The following DOCK8 variants were observed in gnomAD, a reference collection of about 807,000 sequenced individuals.
DOCK8 encodes dedicator of cytokinesis protein 8.
In DOCK8, 141 loss-of-function variants were observed where a neutral mutation model predicts 245.6. The ratio of observed to expected loss-of-function variants is 0.57; its 90% CI spans 0.50 to 0.66. The LOEUF (loss-of-function observed/expected upper bound fraction) is 0.66, where lower values mean the gene tolerates loss of function less well. Among genes scored for constraint, DOCK8 ranks in the 30% least tolerant of loss-of-function variants. The probability of loss-of-function intolerance (pLI) is 0.00; values close to 1 mark genes in which losing one functional copy is unlikely to be tolerated. For missense variants in DOCK8, 2,965 were observed against 2,603.4 expected (o/e 1.14, Z -3.02); for synonymous variants, 1,168 against 970.2 (o/e 1.20, Z -3.79).
intron 2 of DOCK8, among the ~76,000 whole-genome samples, chr9:275,621 C>T (rs1326757161): frequency 6.6e-6 from 1 of 152,194 alleles, no homozygotes; most frequent in Non-Finnish European, 1.5e-5. Context: ...TGGAGTCTCG[C>T]TCTGTCACCC....
At chr9:370,378 TTCC>T in intron 16 of DOCK8, 78 bp downstream of exon 16, 1 of 1,284,246 alleles carries the variant, frequency 7.8e-7, no homozygotes, top group Non-Finnish European at 1.1e-6. Context: ...CCGTGGGTGG[TTCC>T]TCCTAACTAT....
chr9:223,969 A>T (rs952827527), intron 1 of DOCK8, among the ~76,000 whole-genome samples: 5 of 152,190 alleles, frequency 3.3e-5, no homozygotes, highest in African/African-American at 1.2e-4. Context: ...CACTCAAGCA[A>T]GCCTATTAAA....
At chr9:430,965 G>C (rs865876653) in intron 36 of DOCK8, among the ~76,000 whole-genome samples, 1 of 152,084 alleles carries the variant, frequency 6.6e-6, no homozygotes, top group Non-Finnish European at 1.5e-5. Context: ...CAACTCCTGG[G>C]CTCAAATGAT....
chr9:332,329 A>G lies in DOCK8; in HGVS notation c.1045-69A>G. 3.8e-6 allele frequency: 4 copies of G among 1,049,424 alleles called. No individual in the cohort carries two copies. In the South Asian group the frequency reaches 5.2e-5, roughly 14 times the overall value. The allele number at this position is 1,049,424 out of a possible 1,614,324, so 65.0% of individuals were successfully genotyped here. On this transcript the variant is annotated intron_variant, in intron 9 of 47. Coordinates refer to ENST00000432829, the MANE Select transcript of DOCK8 (RefSeq NM_203447.4). ...AATATTGTCATAAAATGTAATTTTG[A>G]TGGTTGCATAGATTCCTTTTTATGG...
At chr9:225,259 C>CAG (rs1412133882) in intron 1 of DOCK8, among the ~76,000 whole-genome samples, 6 of 151,982 alleles carry the variant, frequency 3.9e-5, no homozygotes, top group Non-Finnish European at 5.9e-5. Flanking sequence ...GACAAAAACT[C>CAG]AGAGAGAGAG....
intron 36 of DOCK8, among the ~76,000 whole-genome samples, chr9:430,884 T>G (rs950040222): frequency 2.6e-5 from 4 of 152,108 alleles, no homozygotes; most frequent in South Asian, 2.1e-4. Flanking sequence ...TTTATTTATT[T>G]ATTGAGACAG....
chr9:316,325 A>G (rs7020392), intron 6 of DOCK8, among the ~76,000 whole-genome samples: 79,013 of 152,050 alleles, frequency 0.52, 21,371 homozygotes, highest in African/African-American at 0.63. Context: ...ATACATGAAT[A>G]TAATTAACAT....
At chr9:432,368 C>A in intron 37 of DOCK8, 44 bp downstream of exon 37, 1 of 1,589,582 alleles carries the variant, frequency 6.3e-7, no homozygotes, top group Non-Finnish European at 8.6e-7. Flanking sequence ...AGTTTGGGAT[C>A]TGCCAACTAT....
At chr9:252,015 C>T (rs1438758209) in intron 1 of DOCK8, among the ~76,000 whole-genome samples, 2 of 149,012 alleles carry the variant, frequency 1.3e-5, no homozygotes, top group Non-Finnish European at 1.5e-5. Flanking sequence ...GCTCTGTTGC[C>T]CAGGATGGAG....
intron 28 of DOCK8, among the ~76,000 whole-genome samples, chr9:412,727 C>G (rs2055802447): frequency 6.6e-6 from 1 of 152,016 alleles, no homozygotes; most frequent in Admixed American, 6.6e-5. Flanking sequence ...GAGTTATACA[C>G]TAAAAATGAC....
chr9:341,016 C>T (rs867723389), intron 14 of DOCK8, among the ~76,000 whole-genome samples: 2 of 152,144 alleles, frequency 1.3e-5, no homozygotes, highest in African/African-American at 4.8e-5. Context: ...TAGCTCTTTC[C>T]AACAGAATTT....
intron 4 of DOCK8, among the ~76,000 whole-genome samples, chr9:293,924 T>C (rs1454880883): frequency 2.6e-5 from 4 of 152,238 alleles, no homozygotes; most frequent in African/African-American, 9.6e-5. Flanking sequence ...AAGGCAAATC[T>C]CATGCCTCAC....
At chr9:227,307 G>A (rs140807533) in intron 1 of DOCK8, among the ~76,000 whole-genome samples, 23 of 152,292 alleles carry the variant, frequency 1.5e-4, no homozygotes, top group South Asian at 4.1e-4. Flanking sequence ...TACTTCCCTC[G>A]TAGAGGTTTT....
At chr9:395,461 G>A (rs997221658) in intron 24 of DOCK8, among the ~76,000 whole-genome samples, 4 of 152,096 alleles carry the variant, frequency 2.6e-5, no homozygotes, top group Admixed American at 1.3e-4. Flanking sequence ...TAGCTCCTGG[G>A]AGTGGAAGTC....
intron 14 of DOCK8, among the ~76,000 whole-genome samples, chr9:342,111 C>T (rs886789950): frequency 2.0e-5 from 3 of 151,926 alleles, no homozygotes; most frequent in South Asian, 4.2e-4. Context: ...ATAAAGTGCA[C>T]GATAAATGGA....
chr9:422,302 A>G (rs2056309134), intron 33 of DOCK8, among the ~76,000 whole-genome samples, 167 bp downstream of exon 33: 3 of 152,206 alleles, frequency 2.0e-5, no homozygotes. Context: ...TCAAAGGTAT[A>G]GGGAGTTGTG....
chr9:395,531 T>TTAG (rs60738310), intron 24 of DOCK8, among the ~76,000 whole-genome samples: 8,249 of 149,150 alleles, frequency 0.055, 258 homozygotes, highest in African/African-American at 0.077. Flanking sequence ...TCCAGTGCCA[T>TTAG]TAGTAGTAGT....
At chr9:298,001 A>C (rs184076522) in intron 4 of DOCK8, among the ~76,000 whole-genome samples, 7 of 152,342 alleles carry the variant, frequency 4.6e-5, no homozygotes, top group African/African-American at 1.7e-4. Flanking sequence ...TCCATGTGAA[A>C]AACTCCCACA....
At chr9:343,934 C>G (rs16932393) in intron 14 of DOCK8, among the ~76,000 whole-genome samples, 4,984 of 152,280 alleles carry the variant, frequency 0.033, 265 homozygotes, top group African/African-American at 0.11. Context: ...CAAACATTAT[C>G]CCTTAATTAC....
Sources: gnomAD v4.1 joint callset for allele counts (sites outside exome capture counted in the v4.1 genomes callset) on GRCh38, gnomAD v4.1.1 for gene constraint, MANE v1.5 for transcripts, NCBI Gene and HGNC (gene_info 2026-07-23, HGNC 2026-07-21) for gene names.